The following DYM variants were observed in gnomAD, a reference collection of about 807,000 sequenced individuals.
The protein encoded by DYM is dymeclin.
In DYM, 78 loss-of-function variants were observed where a neutral mutation model predicts 93.1. The ratio of observed to expected loss-of-function variants is 0.84; its 90% confidence interval spans 0.70 to 1.01. The LOEUF is 1.01. Ranked by LOEUF, DYM falls within the 50% of genes least tolerant of loss-of-function variation. The pLI is 0.00. For missense variants in DYM, 789 were observed against 845.0 expected, an observed-to-expected ratio of 0.93 and a Z score of 0.82; for synonymous variants, 321 against 319.7, an observed-to-expected ratio of 1.00 and a Z score of -0.04.
intron 15 of DYM, among the ~76,000 whole-genome samples, chr18:49,135,185 G>C (rs1366947831): frequency 6.6e-6 from 1 of 152,078 alleles, no homozygotes; most frequent in Non-Finnish European, 1.5e-5. Context: ...GAGAAAAAAT[G>C]ACTATTTCCA....
chr18:49,422,364 G>C (rs2073818050), intron 2 of DYM, among the ~76,000 whole-genome samples: 1 of 152,230 alleles, frequency 6.6e-6, no homozygotes, highest in Non-Finnish European at 1.5e-5. Context: ...CATTCTTAAA[G>C]AAAATAATTT....
intron 16 of DYM, among the ~76,000 whole-genome samples, chr18:49,109,027 C>G (rs1323519042): frequency 6.8e-6 from 1 of 146,344 alleles, no homozygotes; most frequent in Non-Finnish European, 1.5e-5. Context: ...GTCATCCTAC[C>G]CCTTTTTTTT....
intron 5 of DYM, among the ~76,000 whole-genome samples, chr18:49,373,648 G>A (rs2067239990): frequency 6.6e-6 from 1 of 152,160 alleles, no homozygotes; most frequent in Non-Finnish European, 1.5e-5. Flanking sequence ...ATATAGCCTG[G>A]TAGGTTTCAA....
intron 16 of DYM, among the ~76,000 whole-genome samples, chr18:49,101,038 C>T (rs1050502809): frequency 6.6e-6 from 1 of 152,186 alleles, no homozygotes; most frequent in Non-Finnish European, 1.5e-5. Context: ...AAGATAAGAG[C>T]TTCTATTTCC....
intron 6 of DYM, among the ~76,000 whole-genome samples, chr18:49,353,760 T>C (rs940318908): frequency 3.3e-5 from 5 of 151,954 alleles, no homozygotes; most frequent in African/African-American, 9.7e-5. Flanking sequence ...CCATAAAACT[T>C]TGATGAAAGA....
intron 16 of DYM, among the ~76,000 whole-genome samples, chr18:49,101,711 T>C (rs961092593): frequency 6.6e-6 from 1 of 152,174 alleles, no homozygotes; most frequent in Non-Finnish European, 1.5e-5. Flanking sequence ...TATTTCCTCA[T>C]TGACTTGAGT....
chr18:49,216,566 A>C (rs2093058080), intron 13 of DYM, among the ~76,000 whole-genome samples: 1 of 152,156 alleles, frequency 6.6e-6, no homozygotes, highest in African/African-American at 2.4e-5. Flanking sequence ...CTTCCAGAGG[A>C]ACGATCAGAC....
chr18:49,211,447 C>T (rs1364367716), intron 13 of DYM, among the ~76,000 whole-genome samples: 4 of 152,154 alleles, frequency 2.6e-5, no homozygotes, highest in Non-Finnish European at 5.9e-5. Context: ...ATTATTAGTC[C>T]TTGAGAATCA....
At position 49,043,002 on chromosome 18, in the gene DYM, T is replaced by C. The variant is rs2071042967; in HGVS notation, c.*1053A>G. The C allele has an allele frequency of 6.6e-6, 1 of 152,254 alleles. No homozygotes were observed. Among genetic ancestry groups the C allele is most frequent in the Admixed American group, 6.5e-5 (1 of 15,288 alleles). The allele number at this position is 152,254 out of a possible 1,614,324, so 9.4% of individuals were successfully genotyped here. A position where few individuals can be genotyped will look rare whatever the true frequency, so the allele number is the denominator to read the frequency against. On this transcript the variant is annotated 3_prime_UTR_variant, in exon 18 of 18. Coordinates refer to ENST00000675505, the MANE Select transcript of DYM (RefSeq NM_001353214.3). Reference sequence around the variant, plus strand: ...ATGAAGCTTTTCTTTTTCCCAATGATTAATACAGAGTAGATTAACTTAATT... The same window carrying C: ...ATGAAGCTTTTCTTTTTCCCAATGACTAATACAGAGTAGATTAACTTAATT...
intron 5 of DYM, among the ~76,000 whole-genome samples, chr18:49,378,211 T>A (rs1240332460): frequency 6.6e-6 from 1 of 152,236 alleles, no homozygotes; most frequent in Non-Finnish European, 1.5e-5. Context: ...AATAATATAT[T>A]GACTTGGCAA....
At chr18:49,089,114 C>A (rs912424903) in intron 17 of DYM, among the ~76,000 whole-genome samples, 1 of 152,134 alleles carries the variant, frequency 6.6e-6, no homozygotes, top group Admixed American at 6.6e-5. Context: ...AACTCCTTAG[C>A]CTCAGTTTCC....
chr18:49,078,374 C>T (rs933036065), intron 17 of DYM, among the ~76,000 whole-genome samples: 2 of 150,768 alleles, frequency 1.3e-5, no homozygotes, highest in East Asian at 2.0e-4. Flanking sequence ...TATACCTATG[C>T]ACCCACAAAA....
At chr18:49,142,718 T>C (rs1332717737) in intron 15 of DYM, among the ~76,000 whole-genome samples, 2 of 152,166 alleles carry the variant, frequency 1.3e-5, no homozygotes, top group African/African-American at 4.8e-5. Flanking sequence ...AAGTCCTTTT[T>C]GGTATAAAAT....
At chr18:49,383,159 T>C (rs2068219189) in intron 3 of DYM, among the ~76,000 whole-genome samples, 1 of 152,152 alleles carries the variant, frequency 6.6e-6, no homozygotes, top group African/African-American at 2.4e-5. Context: ...AAAAGAAATG[T>C]AAAGACATAA....
At chr18:49,337,807 G>A (rs1233844077) in intron 6 of DYM, among the ~76,000 whole-genome samples, 2 of 152,172 alleles carry the variant, frequency 1.3e-5, no homozygotes, top group Non-Finnish European at 2.9e-5. Flanking sequence ...GGTCAGAAGG[G>A]AAATTCTTCA....
At chr18:49,105,458 T>A (rs1425640983) in intron 16 of DYM, among the ~76,000 whole-genome samples, 1 of 152,208 alleles carries the variant, frequency 6.6e-6, no homozygotes, top group Non-Finnish European at 1.5e-5. Context: ...AGCTTTTGAA[T>A]GTGTTTGCTC....
intron 11 of DYM, among the ~76,000 whole-genome samples, chr18:49,260,629 G>A (rs1402139996): frequency 6.6e-6 from 1 of 152,154 alleles, no homozygotes; most frequent in Non-Finnish European, 1.5e-5. Flanking sequence ...ATATGAGAAA[G>A]TTCCATTGGC....
In DYM at chr18:49,236,148, A is replaced by T. The variant is rs76944449; in HGVS notation, c.1460+20862T>A. Among the ~76,000 whole-genome samples, 597 of 152,298 alleles carry T rather than the reference A, an allele frequency of 3.9e-3. 3 individuals carry two copies. The highest frequency in any genetic ancestry group is 0.014 in the African/African-American group (580 of 41,558). ...GACTTCCAATTCTCCCTCTTATATG[A>T]GAATGGCCTGCGAAATGCCCATTTA... On this transcript the variant is annotated intron_variant, in intron 13 of 17. Coordinates refer to ENST00000675505, the MANE Select transcript of DYM (RefSeq NM_001353214.3).
intron 17 of DYM, among the ~76,000 whole-genome samples, chr18:49,061,033 A>T (rs1194731427): frequency 6.6e-6 from 1 of 152,196 alleles, no homozygotes; most frequent in Non-Finnish European, 1.5e-5. Context: ...GCTTAAAAAA[A>T]TCTCAATGGC....
Sources: allele counts gnomAD v4.1 joint callset (sites outside exome capture counted in the v4.1 genomes callset), GRCh38; gene constraint gnomAD v4.1.1; transcripts MANE v1.5; gene names NCBI Gene and HGNC (gene_info 2026-07-23, HGNC 2026-07-21).